The following UBAP1 variants were observed in gnomAD, a reference collection of about 807,000 sequenced individuals.
UBAP1 encodes ubiquitin-associated protein 1.
A neutral mutation model predicts 39.0 loss-of-function variants in UBAP1; 5 were observed. The ratio of observed to expected loss-of-function variants is 0.13; its 90% confidence interval spans 0.07 to 0.27. UBAP1 has a LOEUF of 0.27. UBAP1 is among the 10% of genes least tolerant of loss of function. UBAP1 has a pLI of 1.00. For synonymous variants in UBAP1, 211 were observed against 225.1 expected, an observed-to-expected ratio of 0.94 and a Z score of 0.56; for missense variants, 490 against 608.1, an observed-to-expected ratio of 0.81 and a Z score of 2.04.
chr9:34,199,394 AT>A (rs945972841), intron 1 of UBAP1, among the ~76,000 whole-genome samples: 10 of 152,116 alleles, frequency 6.6e-5, no homozygotes, highest in African/African-American at 2.4e-4. Flanking sequence ...TTTAATTTTA[AT>A]TTTTTTGAGA....
rs1322580517 is a variant in UBAP1, at chr9:34,251,534, A to G, written c.*2A>G. On this transcript the variant is annotated 3_prime_UTR_variant, in exon 7 of 7. Coordinates refer to ENST00000297661, the MANE Select transcript of UBAP1 (RefSeq NM_016525.5). ...ATGGCTCGGGCAGGAGCCAGCTGAG[A>G]CCAGGCCCTGCCTAGGCCCTGCCGC... 17 of 1,613,580 alleles carry G rather than the reference A, an allele frequency of 1.1e-5. No individual in the cohort carries two copies. The highest frequency in any genetic ancestry group is 1.4e-5 in the Non-Finnish European group (16 of 1,179,894).
chr9:34,250,260 CTCTT>C (rs1348294701), intron 5 of UBAP1, among the ~76,000 whole-genome samples: 4 of 152,226 alleles, frequency 2.6e-5, no homozygotes, highest in African/African-American at 9.6e-5. Context: ...GGTCAAATGT[CTCTT>C]TCCAGGAATT....
At chr9:34,207,024 T>C (rs1284400887) in intron 1 of UBAP1, among the ~76,000 whole-genome samples, 2 of 151,338 alleles carry the variant, frequency 1.3e-5, no homozygotes, top group African/African-American at 4.8e-5. Context: ...TTCTTTTTTT[T>C]CTGCGTTTGC....
intron 1 of UBAP1, among the ~76,000 whole-genome samples, chr9:34,216,196 GTAATT>G (rs1832305786): frequency 3.1e-5 from 4 of 130,306 alleles, no homozygotes; most frequent in East Asian, 4.5e-4. Flanking sequence ...TTTTTTTTTT[GTAATT>G]TAATTTAAAA....
In UBAP1 at chr9:34,234,651, A is replaced by G. The variant is rs190615472; in HGVS notation, c.159+311A>G. 7.2e-5 allele frequency among the ~76,000 whole-genome samples: 11 copies of G among 152,246 alleles called. No individual in the cohort carries two copies. The East Asian group carries it at 2.1e-3, about 29-fold the overall frequency. On this transcript the variant is annotated intron_variant, in intron 3 of 6. Transcript: ENST00000297661. Reference sequence around the variant, plus strand: ...AAAAAAATGATAGATATATATATATATATTCCTATCACATAGTGACGTAGT... The same window carrying G: ...AAAAAAATGATAGATATATATATATGTATTCCTATCACATAGTGACGTAGT...
chr9:34,181,813 A>G (rs941469002), intron 1 of UBAP1, among the ~76,000 whole-genome samples: 4 of 147,750 alleles, frequency 2.7e-5, no homozygotes, highest in Non-Finnish European at 5.9e-5. Context: ...TCTTTCGTTT[A>G]GTATTTAAGA....
chr9:34,188,329 T>C (rs137895194), intron 1 of UBAP1, among the ~76,000 whole-genome samples: 14 of 151,656 alleles, frequency 9.2e-5, no homozygotes, highest in African/African-American at 2.9e-4. Flanking sequence ...TACAGAAAAG[T>C]GTAACAGGAA....
At chr9:34,251,318 C>A in intron 6 of UBAP1, 74 bp from the exon 7 acceptor site, 1 of 1,521,260 alleles carries the variant, frequency 6.6e-7, no homozygotes, top group Non-Finnish European at 9.0e-7. Context: ...CCCCGTCCCA[C>A]ACACACACTC....
chr9:34,224,075 G>T, intron 2 of UBAP1: 1 of 621,808 alleles, frequency 1.6e-6, no homozygotes, highest in Non-Finnish European at 2.8e-6. Flanking sequence ...ACACTGTCCC[G>T]GCCTTGAAGT....
intron 3 of UBAP1, among the ~76,000 whole-genome samples, chr9:34,236,079 C>T (rs575162027): frequency 9.9e-5 from 15 of 151,966 alleles, no homozygotes; most frequent in African/African-American, 3.4e-4. Context: ...AGGCTGGTCT[C>T]GAGCTCCTGA....
chr9:34,200,008 T>TATCC, intron 1 of UBAP1, among the ~76,000 whole-genome samples: 1 of 152,026 alleles, frequency 6.6e-6, no homozygotes, highest in Admixed American at 6.6e-5. Context: ...TAAATTGTGT[T>TATCC]TAGTTGTTAT....
intron 1 of UBAP1, among the ~76,000 whole-genome samples, chr9:34,203,784 G>T (rs1563895829): frequency 6.6e-6 from 1 of 152,206 alleles, no homozygotes; most frequent in East Asian, 1.9e-4. Context: ...GTGTGAAGTT[G>T]TTCCATCCTT....
intron 2 of UBAP1, among the ~76,000 whole-genome samples, chr9:34,222,099 G>A (rs964907237): frequency 1.6e-4 from 24 of 151,844 alleles, no homozygotes; most frequent in African/African-American, 5.6e-4. Flanking sequence ...TCCAGCCTGG[G>A]TGACAGAGTG....
At chr9:34,233,320 C>CAAGCGATTCTCCTG (rs1372060356) in intron 2 of UBAP1, among the ~76,000 whole-genome samples, 1 of 150,710 alleles carries the variant, frequency 6.6e-6, no homozygotes, top group East Asian at 2.0e-4. Context: ...CTCCTGGGTT[C>CAAGCGATTCTCCTG]AAGCGATTCT....
intron 4 of UBAP1, among the ~76,000 whole-genome samples, chr9:34,247,246 C>G (rs1400181282): frequency 6.6e-6 from 1 of 152,092 alleles, no homozygotes; most frequent in Non-Finnish European, 1.5e-5. Context: ...CTGTTTGATT[C>G]ATGAAACATT....
chr9:34,241,319 C>T lies in UBAP1; in HGVS notation c.294C>T (p.Gly98=), dbSNP rs374038253. Residue 98 remains glycine, a synonymous_variant, in exon 4 of 7, where the codon GGC becomes GGT. Coordinates refer to ENST00000297661, the MANE Select transcript of UBAP1 (RefSeq NM_016525.5). ...AKVNSKSGPE[G]DSKMSFSKTH... ...TGAATTCTAAGAGTGGCCCAGAGGG[C>T]GATAGCAAAATGAGCTTCTCCAAGA... 2.8e-5 allele frequency: 42 copies of T among 1,517,106 alleles called. No homozygotes were observed. In the African/African-American group the frequency reaches 4.3e-4, roughly 16 times the overall value. The allele number at this position is 1,517,106 out of a possible 1,614,324, so 94.0% of individuals were successfully genotyped here.
chr9:34,183,309 C>A (rs1015196321), intron 1 of UBAP1, among the ~76,000 whole-genome samples: 2 of 151,250 alleles, frequency 1.3e-5, no homozygotes, highest in East Asian at 2.0e-4. Flanking sequence ...TTTGGGGGGC[C>A]GAGGCGGGCG....
chr9:34,184,611 A>G (rs1830279704), intron 1 of UBAP1, among the ~76,000 whole-genome samples: 1 of 136,450 alleles, frequency 7.3e-6, no homozygotes, highest in South Asian at 2.7e-4. Context: ...AGCCTGGGCA[A>G]TAGAGCGAGA....
chr9:34,235,142 GAA>G (rs1186028947), intron 3 of UBAP1, among the ~76,000 whole-genome samples: 1 of 151,986 alleles, frequency 6.6e-6, no homozygotes, highest in Non-Finnish European at 1.5e-5. Flanking sequence ...AGAGTATAAA[GAA>G]AAATGTTTTG....
Sources: gnomAD v4.1 joint callset for allele counts (sites outside exome capture counted in the v4.1 genomes callset) on GRCh38, gnomAD v4.1.1 for gene constraint, MANE v1.5 for transcripts, NCBI Gene and HGNC (gene_info 2026-07-23, HGNC 2026-07-21) for gene names.